The following FOXJ2 variants were observed in gnomAD, a reference collection of about 807,000 sequenced individuals.
The protein encoded by FOXJ2 is forkhead box J2, also known as forkhead box protein J2.
A neutral mutation model predicts 68.4 loss-of-function variants in FOXJ2; 18 were observed. The ratio of observed to expected loss-of-function variants is 0.26; its 90% CI spans 0.18 to 0.39. FOXJ2 has a LOEUF of 0.39. FOXJ2 is among the 10% of genes least tolerant of loss of function. FOXJ2 has a pLI of 1.00. For missense variants in FOXJ2, 670 were observed against 726.5 expected (o/e 0.92, Z 0.89); for synonymous variants, 274 against 263.2 (o/e 1.04, Z -0.40).
At chr12:8,052,225 AT>A (rs111837642) in intron 10 of FOXJ2, among the ~76,000 whole-genome samples, 1,393 of 133,736 alleles carry the variant, frequency 0.01, 15 homozygotes, top group African/African-American at 0.031. Context: ...CAGAAGTACA[AT>A]TTTTTTTTTT....
Position 8,034,786 on chromosome 12 carries a change from C to T in FOXJ2, c.-15+953C>T, listed in dbSNP as rs116781233. On this transcript the variant is annotated intron_variant, in intron 1 of 10. Transcript: ENST00000162391. ...CCTGTTTCTTGTTCAGTTCTGAGTC[C>T]CTCGAACCTTGTGTTAAAGTTTTCC... Among the ~76,000 whole-genome samples the T allele has an allele frequency of 9.0e-3, 1,373 of 152,288 alleles. 16 individuals carry two copies. Among genetic ancestry groups the T allele is most frequent in the African/African-American group, 0.03 (1,234 of 41,540 alleles).
At chr12:8,039,315 C>A (rs3782683) in intron 1 of FOXJ2, among the ~76,000 whole-genome samples, 114,608 of 151,908 alleles carry the variant, frequency 0.75, 43,983 homozygotes, top group African/African-American at 0.85. Context: ...CATCTTTAGA[C>A]GTGTTGGTGT....
At position 8,049,350 on chromosome 12, in the gene FOXJ2, C is replaced by G. The variant is rs368396380; in HGVS notation, c.1328-12C>G. 9 of 1,597,178 alleles carry G rather than the reference C, an allele frequency of 5.6e-6. No individual in the cohort carries two copies. Among genetic ancestry groups the G allele is most frequent in the African/African-American group, 5.4e-5 (4 of 74,654 alleles). On this transcript the variant is annotated splice_polypyrimidine_tract_variant and intron_variant, in intron 8 of 10. Coordinates refer to ENST00000162391, the MANE Select transcript of FOXJ2 (RefSeq NM_018416.3). ...TCTGCAAGGTTTGCATTGCTTGCTTCCCTCTTTGTAGAACTGATGGAGAGT... is the reference window on the plus strand; with the variant it reads ...TCTGCAAGGTTTGCATTGCTTGCTTGCCTCTTTGTAGAACTGATGGAGAGT...
chr12:8,043,898 TG>T, intron 4 of FOXJ2, 52 bp from the exon 5 acceptor site: 1 of 1,571,668 alleles, frequency 6.4e-7, no homozygotes, highest in Non-Finnish European at 8.6e-7. Flanking sequence ...CCATGGGTCT[TG>T]GGAGGATATT....
At position 8,044,046 on chromosome 12, in the gene FOXJ2, G is replaced by A. The variant is rs373011160; in HGVS notation, c.573G>A (p.Pro191=). Residue 191 remains proline, a synonymous_variant, in exon 5 of 11, where the codon CCG becomes CCA. Coordinates refer to ENST00000162391, the MANE Select transcript of FOXJ2 (RefSeq NM_018416.3). ...GEASLPPEGN[P]QMSLQSPTSI... ...CCTCACTGCCTCCTGAGGGGAATCC[G>A]CAGATGTCACTTCAGAGCCCCACAT... 1.0e-5 allele frequency: 16 copies of A among 1,580,894 alleles called. No individual in the cohort carries two copies. The highest frequency in any genetic ancestry group is 2.2e-5 in the East Asian group (1 of 44,582).
Position 8,048,805 on chromosome 12 carries a change from G to A in FOXJ2, c.1327+7G>A, listed in dbSNP as rs771869710. On this transcript the variant is annotated splice_region_variant and intron_variant, in intron 8 of 10. Transcript: ENST00000162391. Reference sequence around the variant, plus strand: ...GAGCAGTCACAATTCTCAGGTTAGTGATCAAAGGACGAAGGAAGAGAGGGA... The same window carrying A: ...GAGCAGTCACAATTCTCAGGTTAGTAATCAAAGGACGAAGGAAGAGAGGGA... 6.2e-7 allele frequency: 1 copy of A among 1,612,412 alleles called. No individual in the cohort carries two copies. The highest frequency in any genetic ancestry group is 1.7e-4 in the Middle Eastern group (1 of 6,060).
chr12:8,050,135 TA>T, intron 9 of FOXJ2: 1 of 201,098 alleles, frequency 5.0e-6, no homozygotes, highest in Non-Finnish European at 9.6e-6. Flanking sequence ...CATGCCCAGC[TA>T]ATTTTTTTTT....
rs1185076349 is a variant in FOXJ2, at chr12:8,054,827, C to A, written c.*1977C>A. 6.6e-6 allele frequency: 1 copy of A among 152,208 alleles called. No individual in the cohort carries two copies. The highest frequency in any genetic ancestry group is 2.4e-5 in the African/African-American group (1 of 41,450). 9.4% of individuals were successfully genotyped at this position (152,208 alleles called of 1,614,324 possible). A position where few individuals can be genotyped will look rare whatever the true frequency, so the allele number is the denominator to read the frequency against. Reference sequence around the variant, plus strand: ...CCTTCCAGTCAGGGTGTGTCCTATACAAAACTTCCCATCAGTTCTCCTCAA... The same window carrying A: ...CCTTCCAGTCAGGGTGTGTCCTATAAAAAACTTCCCATCAGTTCTCCTCAA... On this transcript the variant is annotated 3_prime_UTR_variant, in exon 11 of 11. Transcript: ENST00000162391.
At chr12:8,044,310 C>G (rs1162779228) in intron 5 of FOXJ2, among the ~76,000 whole-genome samples, 1 of 152,226 alleles carries the variant, frequency 6.6e-6, no homozygotes, top group Non-Finnish European at 1.5e-5. Flanking sequence ...CACAGTGGCT[C>G]ATGCCTGTAA....
chr12:8,034,536 T>G (rs778861695), intron 1 of FOXJ2, among the ~76,000 whole-genome samples: 5 of 152,308 alleles, frequency 3.3e-5, no homozygotes, highest in Admixed American at 6.5e-5. Flanking sequence ...AAGTGCTTCC[T>G]TGATGCTGGC....
At position 8,048,011 on chromosome 12, in the gene FOXJ2, A is replaced by G; in HGVS notation, c.947A>G (p.Gln316Arg). ...QPPQPPPQQSQPQQQQAPAQG... is the reference protein window; with the variant it reads ...QPPQPPPQQSRPQQQQAPAQG... ...CCACAGCCACCTCCCCAGCAGTCCC[A>G]GCCACAGCAGCAGCAGGCACCTGCC... is the stretch of plus-strand genomic sequence containing the variant. Residue 316 changes from glutamine (Q) to arginine (R), a missense_variant, in exon 7 of 11, where the codon CAG (glutamine) becomes CGG (arginine). Physicochemically the swap from Gln to Arg is conservative, Grantham distance 43. This residue lies in a region of FOXJ2 where 555 missense variants were observed against 562.2 expected (regional missense o/e 0.99). Transcript: ENST00000162391. The G allele has an allele frequency of 6.2e-7, 1 of 1,613,856 alleles. No individual in the cohort carries two copies. Among genetic ancestry groups the G allele is most frequent in the Non-Finnish European group, 8.5e-7 (1 of 1,179,924 alleles).
At position 8,040,556 on chromosome 12, in the gene FOXJ2, G is replaced by C. The variant is rs1484476460; in HGVS notation, c.333+391G>C. On this transcript the variant is annotated intron_variant, in intron 2 of 10. Coordinates refer to ENST00000162391, the MANE Select transcript of FOXJ2 (RefSeq NM_018416.3). This position sits in a 1 kb window ranked among gnomAD's most constrained non-coding sequence, Gnocchi z 4.0. ...CCTGCCTCAGCTTCCTGAGTAGTTG[G>C]GATTACAGGTGCCCGCCACCGTGCC... Among the ~76,000 whole-genome samples the C allele has an allele frequency of 2.0e-5, 3 of 151,816 alleles. No individual in the cohort carries two copies. Among genetic ancestry groups the C allele is most frequent in the Non-Finnish European group, 4.4e-5 (3 of 67,952 alleles).
At chr12:8,048,377 A>G (rs1947069634) in intron 7 of FOXJ2, 88 bp downstream of exon 7, 2 of 1,494,886 alleles carry the variant, frequency 1.3e-6, no homozygotes, top group Non-Finnish European at 1.8e-6. Context: ...TTAGTTAGGA[A>G]GTTAATGATG....
chr12:8,054,434 C>T lies in FOXJ2; in HGVS notation c.*1584C>T, dbSNP rs1947162496. On this transcript the variant is annotated 3_prime_UTR_variant, in exon 11 of 11. Coordinates refer to ENST00000162391, the MANE Select transcript of FOXJ2 (RefSeq NM_018416.3). ...TTCTTTGTGATTTCTGCTTTTCATG[C>T]ATATTATTTTATTTACCCATAATTT... 6.6e-6 allele frequency: 1 copy of T among 152,284 alleles called. No homozygotes were observed. The highest frequency in any genetic ancestry group is 2.4e-5 in the African/African-American group (1 of 41,452). The allele number at this position is 152,284 out of a possible 1,614,324, so 9.4% of individuals were successfully genotyped here.
Position 8,040,696 on chromosome 12 carries a change from C to T in FOXJ2, c.333+531C>T, listed in dbSNP as rs1197997770. Among the ~76,000 whole-genome samples the T allele has an allele frequency of 6.6e-6, 1 of 152,144 alleles. No homozygotes were observed. Among genetic ancestry groups the T allele is most frequent in the Admixed American group, 6.6e-5 (1 of 15,260 alleles). On this transcript the variant is annotated intron_variant, in intron 2 of 10. Transcript: ENST00000162391. This position sits in a 1 kb window ranked among gnomAD's most constrained non-coding sequence, Gnocchi z 4.0. The stretch of plus-strand genomic sequence containing the variant: ...TCAGCCTCCCAAAGTGCTGAGATTA[C>T]AGGCATGAGCCACTGCACCCGGCCC...
In FOXJ2 at chr12:8,040,013, G is replaced by A. The variant is rs745455298; in HGVS notation, c.181G>A (p.Val61Met). The A allele has an allele frequency of 3.1e-6, 5 of 1,614,138 alleles. No individual in the cohort carries two copies. The highest frequency in any genetic ancestry group is 4.2e-6 in the Non-Finnish European group (5 of 1,180,034). ...CACCCTGAGCAAAGACGAGGCAGCA[G>A]TGCACCAGGACGGCAAGCCACGATA... ...NATLSKDEAA[V>M]HQDGKPRYSY... The change falls in exon 2 of 11, where the codon GTG (valine) becomes ATG (methionine). Residue 61 changes from valine (V) to methionine (M), a missense_variant. Around this residue, in one of 2 missense-constraint regions of FOXJ2, gnomAD observed 115 missense variants for 164.3 expected, o/e 0.70. Transcript: ENST00000162391. This position sits in a 1 kb window ranked among gnomAD's most constrained non-coding sequence, Gnocchi z 4.0.
chr12:8,046,175 A>G (rs952726075), intron 6 of FOXJ2, among the ~76,000 whole-genome samples: 5 of 152,210 alleles, frequency 3.3e-5, no homozygotes, highest in Admixed American at 1.3e-4. Context: ...AGTCATTTGG[A>G]GGACGACCAC....
intron 10 of FOXJ2, 92 bp downstream of exon 10, chr12:8,050,712 G>C: frequency 2.1e-6 from 3 of 1,434,676 alleles, no homozygotes; most frequent in Non-Finnish European, 1.9e-6. Context: ...GTGCATTTTT[G>C]CCTGCATCTC....
At chr12:8,049,637 C>A in intron 9 of FOXJ2, 66 bp downstream of exon 9, 3 of 1,410,386 alleles carry the variant, frequency 2.1e-6, no homozygotes, top group South Asian at 1.5e-5. Flanking sequence ...AGGAGAAAGG[C>A]AAAAGAGAAC....
Sources: gnomAD v4.1 joint callset for allele counts (sites outside exome capture counted in the v4.1 genomes callset) on GRCh38, gnomAD v4.1.1 for gene constraint, gnomAD v4.1.1 regional missense constraint, Gnocchi (gnomAD v3.1) non-coding constraint, MANE v1.5 for transcripts, NCBI Gene and HGNC (gene_info 2026-07-23, HGNC 2026-07-21) for gene names.